The following AGPAT4 variants were observed in gnomAD, a reference collection of about 807,000 sequenced individuals.
AGPAT4 encodes 1-acyl-sn-glycerol-3-phosphate acyltransferase delta.
AGPAT4 carries 15 observed loss-of-function variants against 48.0 expected under a neutral mutation model. The ratio of observed to expected loss-of-function variants is 0.31; its 90% confidence interval spans 0.21 to 0.48. The LOEUF (loss-of-function observed/expected upper bound fraction) is 0.48. AGPAT4 is among the 20% of genes least tolerant of loss of function. The pLI, the probability that AGPAT4 is intolerant of heterozygous loss-of-function variation, is 0.99. For synonymous variants in AGPAT4, 178 were observed against 198.7 expected (o/e 0.90, Z 0.88); for missense variants, 314 against 482.5 (o/e 0.65, Z 3.27).
chr6:161,139,338 A>G lies in AGPAT4; in HGVS notation c.1042+84T>C, dbSNP rs528669796. ...CCTCATCCACGGCACAACTGCCTAT[A>G]CAGATGGCCTTCGTCCCAGCCCTGA... On this transcript the variant is annotated intron_variant, in intron 8 of 8. Transcript: ENST00000320285. This position sits in a 1 kb window ranked among gnomAD's most constrained non-coding sequence, Gnocchi z 9.1. 2.0e-6 allele frequency: 3 copies of G among 1,464,362 alleles called. No homozygotes were observed. The South Asian group carries it at 3.7e-5, about 18-fold the overall frequency. The allele number at this position is 1,464,362 out of a possible 1,614,324, so 90.7% of individuals were successfully genotyped here.
rs901566115 is a variant in AGPAT4, at chr6:161,242,939, G to A, written c.-89-10637C>T. Among the ~76,000 whole-genome samples, 5 of 152,008 alleles carry A rather than the reference G, an allele frequency of 3.3e-5. No homozygotes were observed. Among genetic ancestry groups the A allele is most frequent in the African/African-American group, 7.3e-5 (3 of 41,374 alleles). ...AAAAATTAGCCGGGCGTGGTGGCACGTGCCTCCCAGCTACTCGGGAGACTG... is the reference window on the plus strand; with the variant it reads ...AAAAATTAGCCGGGCGTGGTGGCACATGCCTCCCAGCTACTCGGGAGACTG... On this transcript the variant is annotated intron_variant, in intron 1 of 8. Transcript: ENST00000320285. This position sits in a 1 kb window ranked among gnomAD's most constrained non-coding sequence, Gnocchi z 5.0.
Position 161,216,503 on chromosome 6 carries a change from C to T in AGPAT4, c.178+15533G>A, listed in dbSNP as rs1469773281. ...TCCTCCCTGGGCTCCACTGTGGAAA[C>T]CAAAATGCTGGGGCAGCATCAGCCC... On this transcript the variant is annotated intron_variant, in intron 2 of 8. Transcript: ENST00000320285. This position sits in a 1 kb window ranked among gnomAD's most constrained non-coding sequence, Gnocchi z 4.8. Among the ~76,000 whole-genome samples the T allele has an allele frequency of 6.6e-6, 1 of 152,168 alleles. No homozygotes were observed. Among genetic ancestry groups the T allele is most frequent in the Admixed American group, 6.5e-5 (1 of 15,284 alleles).
rs1368405955 is a variant in AGPAT4, at chr6:161,256,606, G to A, written c.-90+17332C>T. 2.0e-5 allele frequency among the ~76,000 whole-genome samples: 3 copies of A among 152,204 alleles called. No homozygotes were observed. The South Asian group carries it at 6.2e-4, about 31-fold the overall frequency. Reference sequence around the variant, plus strand: ...CAGCTTCCTCTGATAGCCACACAGCGGAGCTGACACGTCCTCCCTGAAGCA... The same window carrying A: ...CAGCTTCCTCTGATAGCCACACAGCAGAGCTGACACGTCCTCCCTGAAGCA... On this transcript the variant is annotated intron_variant, in intron 1 of 8. Coordinates refer to ENST00000320285, the MANE Select transcript of AGPAT4 (RefSeq NM_020133.3).
rs1224405108 is a variant in AGPAT4 at position 161,138,900 on chromosome 6, AGCC to A, written c.1042+519_1042+521del. On this transcript the variant is annotated intron_variant, in intron 8 of 8. Transcript: ENST00000320285. This position sits in a 1 kb window ranked among gnomAD's most constrained non-coding sequence, Gnocchi z 4.8. ...GGGCTTGCCACCAAGAAGCAGCAGTAGCCCGAGAATACCGGTCACCTGGAGCCA... is the reference window on the plus strand; with the variant it reads ...GGGCTTGCCACCAAGAAGCAGCAGTACGAGAATACCGGTCACCTGGAGCCA... Among the ~76,000 whole-genome samples, 1 of 152,140 alleles carries A rather than the reference AGCC, an allele frequency of 6.6e-6. No individual in the cohort carries two copies. The highest frequency in any genetic ancestry group is 1.5e-5 in the Non-Finnish European group (1 of 68,022).
At position 161,186,565 on chromosome 6, in the gene AGPAT4, C is replaced by T. The variant is rs540190097; in HGVS notation, c.179-20148G>A. ...TCCTTACCTCTTGATGACCTTCTAC[C>T]CAGTCTCTCTGCCTCCAAAGTCACC... is the stretch of plus-strand genomic sequence containing the variant. On this transcript the variant is annotated intron_variant, in intron 2 of 8. Coordinates refer to ENST00000320285, the MANE Select transcript of AGPAT4 (RefSeq NM_020133.3). Among the ~76,000 whole-genome samples, 18 of 152,236 alleles carry T rather than the reference C, an allele frequency of 1.2e-4. No homozygotes were observed. The East Asian group carries it at 3.1e-3, about 26-fold the overall frequency.
chr6:161,138,090 C>A lies in AGPAT4; in HGVS notation c.1042+1332G>T, dbSNP rs570402265. On this transcript the variant is annotated intron_variant, in intron 8 of 8. Coordinates refer to ENST00000320285, the MANE Select transcript of AGPAT4 (RefSeq NM_020133.3). The surrounding 1 kb of genome is among the most constrained non-coding windows in gnomAD (Gnocchi z 4.8). Reference sequence around the variant, plus strand: ...AGGGTTGAGCTTGCCCCCGCCCTACCAGGGGCCCTGGCACCTGCAGCTGCC... The same window carrying A: ...AGGGTTGAGCTTGCCCCCGCCCTACAAGGGGCCCTGGCACCTGCAGCTGCC... Among the ~76,000 whole-genome samples the A allele has an allele frequency of 1.3e-5, 2 of 152,356 alleles. No individual in the cohort carries two copies. The highest frequency in any genetic ancestry group is 3.9e-4 in the East Asian group (2 of 5,172).
chr6:161,211,280 A>T (rs1781515407), intron 2 of AGPAT4, among the ~76,000 whole-genome samples: 3 of 152,310 alleles, frequency 2.0e-5, no homozygotes, highest in Admixed American at 2.0e-4. Context: ...ATATTTCATT[A>T]TTTGGGTATT....
At chr6:161,187,219 C>T (rs1028117242) in intron 2 of AGPAT4, among the ~76,000 whole-genome samples, 5 of 152,348 alleles carry the variant, frequency 3.3e-5, no homozygotes, top group East Asian at 3.9e-4. Flanking sequence ...CCTCTTGCTC[C>T]GCCTTCCATA....
At chr6:161,186,343 C>T (rs369726525) in intron 2 of AGPAT4, among the ~76,000 whole-genome samples, 74 of 152,280 alleles carry the variant, frequency 4.9e-4, no homozygotes, top group African/African-American at 1.8e-3. Flanking sequence ...CTGCCACCTC[C>T]CTGCTGTCTC....
At position 161,156,886 on chromosome 6, in the gene AGPAT4, ACT is replaced by A. The variant is rs540014204; in HGVS notation, c.349-2578_349-2577del. Reference sequence around the variant, plus strand: ...TAAGGACATGCTCCTGCTGCAGTTAACTAGCCCAACCTATTCCTTTAATTCAC... The same window carrying A: ...TAAGGACATGCTCCTGCTGCAGTTAAAGCCCAACCTATTCCTTTAATTCAC... On this transcript the variant is annotated intron_variant, in intron 3 of 8. Coordinates refer to ENST00000320285, the MANE Select transcript of AGPAT4 (RefSeq NM_020133.3). 9.9e-3 allele frequency among the ~76,000 whole-genome samples: 1,507 copies of A among 152,380 alleles called. 27 individuals carry two copies. The highest frequency in any genetic ancestry group is 0.034 in the African/African-American group (1,431 of 41,588).
In AGPAT4 at chr6:161,251,912, G is replaced by A. The variant is rs1306072019; in HGVS notation, c.-89-19610C>T. Among the ~76,000 whole-genome samples, 1 of 152,170 alleles carries A rather than the reference G, an allele frequency of 6.6e-6. No individual in the cohort carries two copies. Among genetic ancestry groups the A allele is most frequent in the Non-Finnish European group, 1.5e-5 (1 of 68,036 alleles). On this transcript the variant is annotated intron_variant, in intron 1 of 8. Coordinates refer to ENST00000320285, the MANE Select transcript of AGPAT4 (RefSeq NM_020133.3). This position sits in a 1 kb window ranked among gnomAD's most constrained non-coding sequence, Gnocchi z 4.6. ...GGGAATGGAAGGCCTATGATGGTAG[G>A]GAATTGTAATTATCTTCTTAACCCA...
chr6:161,136,280 ACACT>A lies in AGPAT4; in HGVS notation c.*256_*259del, dbSNP rs1038731794. On this transcript the variant is annotated 3_prime_UTR_variant, in exon 9 of 9. Coordinates refer to ENST00000320285, the MANE Select transcript of AGPAT4 (RefSeq NM_020133.3). ...TTTCTATGATCACAGAACAAAGTTCACACTCACCACACAGCCATTCTCACACACA... is the reference window on the plus strand; with the variant it reads ...TTTCTATGATCACAGAACAAAGTTCACACCACACAGCCATTCTCACACACA... The A allele has an allele frequency of 2.0e-5, 10 of 492,694 alleles. No homozygotes were observed. The highest frequency in any genetic ancestry group is 1.9e-4 in the African/African-American group (10 of 51,432). The allele number at this position is 492,694 out of a possible 1,614,324, so 30.5% of individuals were successfully genotyped here.
rs748888903 is a variant in AGPAT4 at position 161,154,214 on chromosome 6, C to T, written c.445G>A (p.Glu149Lys). 8 of 1,614,122 alleles carry T rather than the reference C, an allele frequency of 5.0e-6. No individual in the cohort carries two copies. In the South Asian group the frequency reaches 7.7e-5, roughly 16 times the overall value. Residue 149 changes from glutamate (E) to lysine (K), a missense_variant, in exon 4 of 9, where the codon GAG becomes AAG. Coordinates refer to ENST00000320285, the MANE Select transcript of AGPAT4 (RefSeq NM_020133.3). The surrounding 1 kb of genome is among the most constrained non-coding windows in gnomAD (Gnocchi z 7.8). ...TEMVFCSRKWEQDRKTVATSL... is the reference protein window; with the variant it reads ...TEMVFCSRKWKQDRKTVATSL... Reference sequence around the variant, plus strand: ...GTGGCAACCGTCTTGCGATCCTGCTCCCACTTGCGCGAACAGAAGACCATC... The same window carrying T: ...GTGGCAACCGTCTTGCGATCCTGCTTCCACTTGCGCGAACAGAAGACCATC...
In AGPAT4 at chr6:161,136,500, G is replaced by T; in HGVS notation, c.*40C>A. ...TAAGGAGGATATGCAGAGGCCACCA[G>T]TTCCCCAAGGTTCCCTTCGGATGGT... On this transcript the variant is annotated 3_prime_UTR_variant, in exon 9 of 9. Coordinates refer to ENST00000320285, the MANE Select transcript of AGPAT4 (RefSeq NM_020133.3). 6.3e-7 allele frequency: 1 copy of T among 1,574,846 alleles called. No homozygotes were observed. The highest frequency in any genetic ancestry group is 8.7e-7 in the Non-Finnish European group (1 of 1,144,990).
rs1781938892 is a variant in AGPAT4 at position 161,225,114 on chromosome 6, CATTCGGAT to C, written c.178+6914_178+6921del. ...GATTATTACCTGCTCTACCCAGACT[CATTCGGAT>C]TACCTGCTCCACCCTGACTCCTTCC... On this transcript the variant is annotated intron_variant, in intron 2 of 8. Transcript: ENST00000320285. The surrounding 1 kb of genome is among the most constrained non-coding windows in gnomAD (Gnocchi z 5.0). Among the ~76,000 whole-genome samples, 1 of 150,436 alleles carries C rather than the reference CATTCGGAT, an allele frequency of 6.6e-6. No individual in the cohort carries two copies. The highest frequency in any genetic ancestry group is 1.5e-5 in the Non-Finnish European group (1 of 67,944).
rs117769981 is a variant in AGPAT4 at position 161,218,591 on chromosome 6, C to A, written c.178+13445G>T. On this transcript the variant is annotated intron_variant, in intron 2 of 8. Coordinates refer to ENST00000320285, the MANE Select transcript of AGPAT4 (RefSeq NM_020133.3). This position sits in a 1 kb window ranked among gnomAD's most constrained non-coding sequence, Gnocchi z 4.7. Reference sequence around the variant, plus strand: ...AAGCCAAGACTCCAGGCTCCAAGTGCGTGTTACCATAACACCGGGGCAGGA... The same window carrying A: ...AAGCCAAGACTCCAGGCTCCAAGTGAGTGTTACCATAACACCGGGGCAGGA... 1.1e-4 allele frequency among the ~76,000 whole-genome samples: 17 copies of A among 152,308 alleles called. No individual in the cohort carries two copies. The South Asian group carries it at 3.5e-3, about 32-fold the overall frequency.
intron 2 of AGPAT4, among the ~76,000 whole-genome samples, chr6:161,170,115 A>T (rs34025755): frequency 0.15 from 22,941 of 152,082 alleles, 1,916 homozygotes; most frequent in Non-Finnish European, 0.19. Flanking sequence ...GCCCATTCTC[A>T]TGAGGCTCCC....
Position 161,130,808 on chromosome 6 carries a change from C to CTT in AGPAT4, c.*5730_*5731dup, listed in dbSNP as rs2114940250. On this transcript the variant is annotated 3_prime_UTR_variant, in exon 9 of 9. Coordinates refer to ENST00000320285, the MANE Select transcript of AGPAT4 (RefSeq NM_020133.3). ...GGAAGCTGGCTCTGCAGCGTTGTGA[C>CTT]TTAGACACTTTACAAGTCTGAGCCA... is the stretch of plus-strand genomic sequence containing the variant. The CTT allele has an allele frequency of 1.9e-6, 1 of 517,832 alleles. No individual in the cohort carries two copies. Among genetic ancestry groups the CTT allele is most frequent in the South Asian group, 1.4e-5 (1 of 71,404 alleles). The allele number at this position is 517,832 out of a possible 1,614,324, so 32.1% of individuals were successfully genotyped here. A position where few individuals can be genotyped will look rare whatever the true frequency, so the allele number is the denominator to read the frequency against.
rs1200041386 is a variant in AGPAT4 at position 161,200,654 on chromosome 6, T to G, written c.178+31382A>C. 1.3e-5 allele frequency among the ~76,000 whole-genome samples: 2 copies of G among 152,222 alleles called. No individual in the cohort carries two copies. Among genetic ancestry groups the G allele is most frequent in the African/African-American group, 4.8e-5 (2 of 41,456 alleles). On this transcript the variant is annotated intron_variant, in intron 2 of 8. Transcript: ENST00000320285. This position sits in a 1 kb window ranked among gnomAD's most constrained non-coding sequence, Gnocchi z 5.5. ...TCTTCAATAATCATATTTACTATGT[T>G]GACTAGGGACACCATAGGTCCCTCC...
Sources: gnomAD v4.1 joint callset for allele counts (sites outside exome capture counted in the v4.1 genomes callset) on GRCh38, gnomAD v4.1.1 for gene constraint, Gnocchi (gnomAD v3.1) non-coding constraint, MANE v1.5 for transcripts, NCBI Gene and HGNC (gene_info 2026-07-23, HGNC 2026-07-21) for gene names.